The following DLG2 variants were observed in gnomAD, a reference collection of about 807,000 sequenced individuals.
The protein encoded by DLG2 is disks large homolog 2.
DLG2 carries 45 observed loss-of-function variants against 132.5 expected under a neutral mutation model. That is an observed-to-expected ratio of 0.34 (90% CI 0.27 to 0.44). The LOEUF (loss-of-function observed/expected upper bound fraction) is 0.44. DLG2 is among the 20% of genes least tolerant of loss of function. The pLI is 1.00. For synonymous variants in DLG2, 424 were observed against 419.6 expected (o/e 1.01, Z -0.13); for missense variants, 1,045 against 1,196.9 (o/e 0.87, Z 1.87).
intron 3 of DLG2, among the ~76,000 whole-genome samples, chr11:85,539,822 A>AGCTGATG (rs1171339894): frequency 1.3e-5 from 2 of 152,218 alleles, no homozygotes; most frequent in Non-Finnish European, 2.9e-5. Context: ...TATAGATTGA[A>AGCTGATG]GCTGATGAAG....
intron 6 of DLG2, among the ~76,000 whole-genome samples, chr11:84,841,013 A>T (rs959040015): frequency 2.0e-5 from 3 of 151,676 alleles, no homozygotes; most frequent in Admixed American, 6.6e-5. Context: ...AATAGTAAAA[A>T]AAAAAATGGA....
intron 4 of DLG2, among the ~76,000 whole-genome samples, chr11:85,255,881 T>C (rs985263755): frequency 1.3e-5 from 2 of 152,152 alleles, no homozygotes; most frequent in African/African-American, 4.8e-5. Flanking sequence ...CAAATAACCA[T>C]GTAATCTGGA....
At chr11:84,864,483 A>AT (rs1229656807) in intron 6 of DLG2, among the ~76,000 whole-genome samples, 1 of 152,124 alleles carries the variant, frequency 6.6e-6, no homozygotes, top group Non-Finnish European at 1.5e-5. Flanking sequence ...CATCAAATAT[A>AT]TATTTCTCTT....
intron 3 of DLG2, among the ~76,000 whole-genome samples, chr11:85,357,549 G>C (rs1212292236): frequency 7.1e-6 from 1 of 140,848 alleles, no homozygotes; most frequent in Non-Finnish European, 1.5e-5. Flanking sequence ...ATGACTACAA[G>C]TCTTCTGATC....
chr11:84,502,317 T>C (rs544250046), intron 7 of DLG2, among the ~76,000 whole-genome samples: 9 of 8,268 alleles, frequency 1.1e-3, no homozygotes, highest in Non-Finnish European at 2.0e-3. Flanking sequence ...TTTCTTTCTT[T>C]CTTTCTTTCT....
At chr11:83,830,458 G>A (rs1405137296) in intron 17 of DLG2, among the ~76,000 whole-genome samples, 2 of 152,212 alleles carry the variant, frequency 1.3e-5, no homozygotes, top group African/African-American at 4.8e-5. Context: ...GAGTTAGAGA[G>A]TCTAATGCCA....
chr11:83,554,659 ACTAGTGGTT>A (rs1221520405), intron 19 of DLG2, among the ~76,000 whole-genome samples: 4 of 152,182 alleles, frequency 2.6e-5, no homozygotes, highest in African/African-American at 9.7e-5. Flanking sequence ...CAGATCTGGG[ACTAGTGGTT>A]CTATTGGCAA....
intron 11 of DLG2, among the ~76,000 whole-genome samples, chr11:84,026,782 C>T (rs1328587212): frequency 6.6e-6 from 1 of 151,976 alleles, no homozygotes; most frequent in Non-Finnish European, 1.5e-5. Context: ...TTCTAACAGG[C>T]TTAAGTTCAA....
intron 7 of DLG2, among the ~76,000 whole-genome samples, chr11:84,515,697 C>T (rs182673808): frequency 6.2e-4 from 94 of 151,862 alleles, no homozygotes; most frequent in African/African-American, 2.2e-3. Flanking sequence ...AAAATCAGCA[C>T]GGGAACATTG....
chr11:84,144,930 C>A (rs2095017783), intron 9 of DLG2, among the ~76,000 whole-genome samples: 1 of 152,156 alleles, frequency 6.6e-6, no homozygotes, highest in African/African-American at 2.4e-5. Context: ...TTCTCAAGAC[C>A]TGTAATCTAG....
chr11:85,552,352 T>C (rs1302347311), intron 3 of DLG2, among the ~76,000 whole-genome samples: 1 of 151,596 alleles, frequency 6.6e-6, no homozygotes, highest in Non-Finnish European at 1.5e-5. Flanking sequence ...ACAACACATA[T>C]GGCTGTTACA....
intron 7 of DLG2, among the ~76,000 whole-genome samples, chr11:84,353,695 T>C (rs2098595202): frequency 6.6e-6 from 1 of 152,198 alleles, no homozygotes; most frequent in South Asian, 2.1e-4. Context: ...AGGTCATGTT[T>C]GGTATGTTTT....
At chr11:84,963,353 A>T (rs1421803678) in intron 6 of DLG2, among the ~76,000 whole-genome samples, 1 of 152,194 alleles carries the variant, frequency 6.6e-6, no homozygotes, top group Non-Finnish European at 1.5e-5. Context: ...AAAGACAAAC[A>T]TGAAGCATTT....
At chr11:85,070,502 A>C (rs2154166679) in intron 6 of DLG2, among the ~76,000 whole-genome samples, 1 of 151,864 alleles carries the variant, frequency 6.6e-6, no homozygotes, top group East Asian at 1.9e-4. Context: ...GGTACTTAAA[A>C]GCCTAGACTT....
intron 3 of DLG2, among the ~76,000 whole-genome samples, chr11:85,430,530 A>G (rs1486383911): frequency 2.6e-5 from 4 of 152,160 alleles, no homozygotes; most frequent in Non-Finnish European, 5.9e-5. Flanking sequence ...TCCAATTTTT[A>G]AAACTTTAAC....
intron 3 of DLG2, among the ~76,000 whole-genome samples, chr11:85,558,438 G>A (rs2077048525): frequency 6.6e-6 from 1 of 151,872 alleles, no homozygotes; most frequent in Admixed American, 6.6e-5. Flanking sequence ...TCCCACTACT[G>A]AGTATATATG....
intron 11 of DLG2, among the ~76,000 whole-genome samples, chr11:84,038,727 C>T (rs1026749216): frequency 2.0e-5 from 3 of 152,048 alleles, no homozygotes; most frequent in Non-Finnish European, 2.9e-5. Context: ...ATACCCAAGA[C>T]TTGGCAATTT....
At chr11:84,237,298 C>T (rs2154340396) in intron 8 of DLG2, among the ~76,000 whole-genome samples, 1 of 152,248 alleles carries the variant, frequency 6.6e-6, no homozygotes, top group African/African-American at 2.4e-5. Context: ...TGCTTTGAGA[C>T]ATCAGCAAAA....
intron 11 of DLG2, among the ~76,000 whole-genome samples, chr11:84,004,145 T>C (rs1273919804): frequency 1.3e-5 from 2 of 152,012 alleles, no homozygotes; most frequent in African/African-American, 4.8e-5. Flanking sequence ...AAGAAAACTA[T>C]ACATGAATAT....
Sources: allele counts gnomAD v4.1 joint callset (sites outside exome capture counted in the v4.1 genomes callset), GRCh38; gene constraint gnomAD v4.1.1; transcripts MANE v1.5; gene names NCBI Gene and HGNC (gene_info 2026-07-23, HGNC 2026-07-21).